OSCP1: variants seen among roughly 807,000 people sequenced by gnomAD.
The protein encoded by OSCP1 is protein OSCP1.
OSCP1 carries 35 observed loss-of-function variants against 45.1 expected under a neutral mutation model. The ratio of observed to expected loss-of-function variants is 0.78; its 90% confidence interval spans 0.59 to 1.03. The LOEUF (loss-of-function observed/expected upper bound fraction) is 1.03, where lower values mean the gene tolerates loss of function less well. OSCP1 is among the 50% of genes least tolerant of loss of function. The probability of loss-of-function intolerance (pLI) is 0.00; values close to 1 mark genes in which losing one functional copy is unlikely to be tolerated. For synonymous variants in OSCP1, 179 were observed against 180.1 expected (o/e 0.99, Z 0.05); for missense variants, 400 against 470.7 (o/e 0.85, Z 1.39).
At chr1:36,423,029 A>T in intron 5 of OSCP1, 133 bp from the exon 6 acceptor site, 1 of 495,108 alleles carries the variant, frequency 2.0e-6, no homozygotes, top group Non-Finnish European at 3.2e-6. Context: ...GGTTGTAATA[A>T]TAATAATAAT....
chr1:36,449,727 C>T (rs1251322294), intron 1 of OSCP1, among the ~76,000 whole-genome samples: 4 of 146,652 alleles, frequency 2.7e-5, no homozygotes, highest in Non-Finnish European at 5.9e-5. Flanking sequence ...ATCCCAGCTA[C>T]TTGGGAGGCT....
chr1:36,449,602 C>T (rs1294916239), intron 1 of OSCP1, among the ~76,000 whole-genome samples: 1 of 151,674 alleles, frequency 6.6e-6, no homozygotes, highest in African/African-American at 2.4e-5. Flanking sequence ...TTTGGGAGGC[C>T]GAGGGGGGCA....
At chr1:36,426,286 C>G (rs545098171) in intron 4 of OSCP1, among the ~76,000 whole-genome samples, 2 of 152,334 alleles carry the variant, frequency 1.3e-5, no homozygotes, top group South Asian at 4.1e-4. Context: ...GCCTGAGACT[C>G]TGCCAGTGGC....
At chr1:36,431,780 C>T in intron 4 of OSCP1, 22 bp downstream of exon 4, 1 of 1,610,754 alleles carries the variant, frequency 6.2e-7, no homozygotes, top group South Asian at 1.1e-5. Context: ...CTGAGTGTTC[C>T]CAGGGCTGCC....
At chr1:36,423,247 GA>G (rs1647759242) in intron 5 of OSCP1, 115 bp downstream of exon 5, 1 of 902,306 alleles carries the variant, frequency 1.1e-6, no homozygotes, top group Admixed American at 1.9e-5. Flanking sequence ...TTTTACTGAA[GA>G]AAGAGAAGGG....
chr1:36,432,229 G>C (rs1342191109), intron 3 of OSCP1, among the ~76,000 whole-genome samples, 193 bp downstream of exon 3: 2 of 152,184 alleles, frequency 1.3e-5, no homozygotes, highest in Non-Finnish European at 2.9e-5. Flanking sequence ...GAAGGCATCA[G>C]TAAGAGGACA....
chr1:36,447,048 G>C lies in OSCP1; in HGVS notation c.112+3210C>G, dbSNP rs1430558861. On this transcript the variant is annotated intron_variant, in intron 1 of 9. Transcript: ENST00000235532. The surrounding 1 kb of genome is among the most constrained non-coding windows in gnomAD (Gnocchi z 4.1). ...GTGGGAACAGGGATGGCCTCCAGGA[G>C]ACCAATTAGTCGTATAAGATAATGA... 1.3e-5 allele frequency among the ~76,000 whole-genome samples: 2 copies of C among 152,168 alleles called. No individual in the cohort carries two copies. The highest frequency in any genetic ancestry group is 2.9e-5 in the Non-Finnish European group (2 of 68,036).
chr1:36,437,708 G>A (rs1360604382), intron 2 of OSCP1, among the ~76,000 whole-genome samples: 2 of 152,034 alleles, frequency 1.3e-5, no homozygotes, highest in African/African-American at 2.4e-5. Flanking sequence ...TAGAAGAGAT[G>A]AGGTTTTACC....
At chr1:36,427,996 T>C (rs937522606) in intron 4 of OSCP1, among the ~76,000 whole-genome samples, 6 of 151,908 alleles carry the variant, frequency 3.9e-5, no homozygotes, top group African/African-American at 1.2e-4. Context: ...AAGACCAGTC[T>C]GGCCAACGTG....
chr1:36,443,297 A>G (rs1306845439), intron 1 of OSCP1, among the ~76,000 whole-genome samples: 2 of 152,138 alleles, frequency 1.3e-5, no homozygotes, highest in Non-Finnish European at 2.9e-5. Flanking sequence ...TTCCCAGCAT[A>G]CTTGGTGTGG....
intron 2 of OSCP1, among the ~76,000 whole-genome samples, chr1:36,433,894 T>G (rs746792060): frequency 3.9e-5 from 6 of 152,148 alleles, no homozygotes; most frequent in Non-Finnish European, 5.9e-5. Context: ...AAAGAAATGT[T>G]GTTGGAGCAA....
chr1:36,440,801 A>G (rs1246937121), intron 1 of OSCP1: 1 of 152,222 alleles, frequency 6.6e-6, no homozygotes, highest in African/African-American at 2.4e-5. Context: ...GAATATGAAG[A>G]ATTTTCCACA....
Position 36,438,923 on chromosome 1 carries a change from G to A in OSCP1, c.113-13C>T. On this transcript the variant is annotated splice_polypyrimidine_tract_variant and intron_variant, in intron 1 of 9. Transcript: ENST00000235532. ...ATGTCATTCAGAACTGCAGAGACAA[G>A]AGAGAACACAGCTGAGCAAAGTACT... 6.2e-7 allele frequency: 1 copy of A among 1,612,908 alleles called. No homozygotes were observed. Among genetic ancestry groups the A allele is most frequent in the African/African-American group, 1.3e-5 (1 of 74,972 alleles).
chr1:36,419,119 T>G, intron 8 of OSCP1, 65 bp from the exon 9 acceptor site: 2 of 1,424,870 alleles, frequency 1.4e-6, no homozygotes, highest in East Asian at 2.3e-5. Context: ...CATGGCAAAC[T>G]GGCTCTTGAT....
chr1:36,447,371 T>G lies in OSCP1; in HGVS notation c.112+2887A>C, dbSNP rs1649609309. ...ATTGGATATATATTTTTCAGACTCC[T>G]CCCTCTCCTCCTGACCTACCAACCC... is the stretch of plus-strand genomic sequence containing the variant. On this transcript the variant is annotated intron_variant, in intron 1 of 9. Coordinates refer to ENST00000235532, the MANE Select transcript of OSCP1 (RefSeq NM_145047.5). This position sits in a 1 kb window ranked among gnomAD's most constrained non-coding sequence, Gnocchi z 4.1. Among the ~76,000 whole-genome samples the G allele has an allele frequency of 6.6e-6, 1 of 152,188 alleles. No homozygotes were observed. The highest frequency in any genetic ancestry group is 1.5e-5 in the Non-Finnish European group (1 of 68,026).
chr1:36,445,797 C>G (rs1375128253), intron 1 of OSCP1, among the ~76,000 whole-genome samples: 4 of 152,270 alleles, frequency 2.6e-5, no homozygotes, highest in African/African-American at 7.2e-5. Flanking sequence ...TCACTGCAAC[C>G]TCCACTTCCC....
intron 4 of OSCP1, among the ~76,000 whole-genome samples, chr1:36,427,299 C>CTTTTTTTTTTTTTTTTTTTTTTTT (rs71053929): frequency 2.1e-5 from 2 of 96,328 alleles, no homozygotes; most frequent in African/African-American, 9.6e-5. Flanking sequence ...GGCGCCTGGC[C>CTTTTTTTTTTTTTTTTTTTTTTTT]TTTTTTTTTT....
chr1:36,450,419 A>G lies in OSCP1; in HGVS notation c.-50T>C. ...TGAAGAGCCCCGGGGTTCGGTAGCC[A>G]GTGGCCTGAAGGCCAGGCCGCAGCG... On this transcript the variant is annotated 5_prime_UTR_variant, in exon 1 of 10. Transcript: ENST00000235532. The G allele has an allele frequency of 1.4e-6, 2 of 1,477,878 alleles. No individual in the cohort carries two copies. Among genetic ancestry groups the G allele is most frequent in the Non-Finnish European group, 1.9e-6 (2 of 1,058,788 alleles). 91.5% of individuals were successfully genotyped at this position (1,477,878 alleles called of 1,614,324 possible). A position where few individuals can be genotyped will look rare whatever the true frequency, so the allele number is the denominator to read the frequency against.
chr1:36,418,442 T>G, intron 9 of OSCP1, 187 bp from the exon 10 acceptor site: 1 of 609,606 alleles, frequency 1.6e-6, no homozygotes, highest in Non-Finnish European at 2.9e-6. Context: ...TTTTTTTTCT[T>G]AATCAACATG....
Sources: gnomAD v4.1 joint callset for allele counts (sites outside exome capture counted in the v4.1 genomes callset) on GRCh38, gnomAD v4.1.1 for gene constraint, Gnocchi (gnomAD v3.1) non-coding constraint, MANE v1.5 for transcripts, NCBI Gene and HGNC (gene_info 2026-07-23, HGNC 2026-07-21) for gene names.